The following DACH2 variants were observed in gnomAD, a reference collection of about 807,000 sequenced individuals.
DACH2 encodes dachshund homolog 2.
In DACH2, 17 loss-of-function variants were observed where a neutral mutation model predicts 35.8. The ratio of observed to expected loss-of-function variants is 0.48; its 90% confidence interval spans 0.33 to 0.71. The LOEUF is 0.71. Among genes scored for constraint, DACH2 ranks in the 30% least tolerant of loss-of-function variants. The pLI is 0.02. For missense variants in DACH2, 469 were observed against 472.7 expected, an observed-to-expected ratio of 0.99 and a Z score of 0.07; for synonymous variants, 195 against 177.3, an observed-to-expected ratio of 1.10 and a Z score of -0.79.
intron 5 of DACH2, among the ~76,000 whole-genome samples, chrX:86,699,625 C>T (rs5923602): frequency 0.24 from 26,145 of 110,618 alleles, 3,053 homozygotes; most frequent in Middle Eastern, 0.41. Flanking sequence ...ATTCAATATG[C>T]GATTTGGATG....
intron 6 of DACH2, among the ~76,000 whole-genome samples, chrX:86,718,693 T>C (rs1456282198): frequency 8.9e-6 from 1 of 112,022 alleles, no homozygotes; most frequent in Non-Finnish European, 1.9e-5. Context: ...TTCTTCTGTG[T>C]ATGGCAATCA....
chrX:86,487,556 CA>C (rs1311310901), intron 2 of DACH2, among the ~76,000 whole-genome samples: 2 of 111,251 alleles, frequency 1.8e-5, no homozygotes, highest in Non-Finnish European at 3.8e-5. Flanking sequence ...CTTTGCAGTG[CA>C]TGTTAACATG....
Position 86,546,400 on chromosome X carries a change from T to TC in DACH2, c.640+32010dup, listed in dbSNP as rs1491408631. Among the ~76,000 whole-genome samples, 48 of 68,757 alleles carry TC rather than the reference T, an allele frequency of 7.0e-4. 1 individual carries two copies. The highest frequency in any genetic ancestry group is 2.9e-3 in the African/African-American group (43 of 14,807). 59.7% of individuals were successfully genotyped at this position (68,757 alleles called of 115,157 possible). ...TTCTTCTTCTTCTTCTTCTTCTTCT[T>TC]CTTCCTTCTTCTTCTTCTTTCTTCT... On this transcript the variant is annotated intron_variant, in intron 3 of 11. Coordinates refer to ENST00000373125, the MANE Select transcript of DACH2 (RefSeq NM_053281.3).
At chrX:86,441,286 C>T (rs1025126298) in intron 2 of DACH2, among the ~76,000 whole-genome samples, 8 of 111,087 alleles carry the variant, frequency 7.2e-5, no homozygotes, top group Non-Finnish European at 9.4e-5. Flanking sequence ...CCCTTCCCAG[C>T]TTCTGGTAAC....
chrX:86,530,622 C>T (rs753583060), intron 3 of DACH2, among the ~76,000 whole-genome samples: 2 of 112,020 alleles, frequency 1.8e-5, no homozygotes, highest in Admixed American at 1.9e-4. Context: ...AACCTCTTTT[C>T]TTTATAAATT....
intron 3 of DACH2, among the ~76,000 whole-genome samples, chrX:86,544,822 G>T (rs775176905): frequency 3.6e-5 from 4 of 112,160 alleles, no homozygotes; most frequent in African/African-American, 1.3e-4. Flanking sequence ...TAGGCTAAAT[G>T]CCCCAACTCA....
chrX:86,308,643 G>T (rs191669242), intron 1 of DACH2, among the ~76,000 whole-genome samples: 1 of 111,725 alleles, frequency 9.0e-6, no homozygotes, highest in African/African-American at 3.3e-5. Context: ...CTTGAGGAAG[G>T]ACCACACTAC....
At chrX:86,442,277 T>A (rs931282199) in intron 2 of DACH2, among the ~76,000 whole-genome samples, 2 of 101,385 alleles carry the variant, frequency 2.0e-5, no homozygotes, top group Non-Finnish European at 4.0e-5. Context: ...CATTTTTTTT[T>A]ACCTGCCTGT....
intron 2 of DACH2, among the ~76,000 whole-genome samples, chrX:86,411,036 A>ATATATATATATATATG (rs768655432): frequency 1.0e-4 from 8 of 79,948 alleles, no homozygotes; most frequent in African/African-American, 1.7e-4. Flanking sequence ...ATATATATAT[A>ATATATATATATATATG]TATGTATATA....
intron 1 of DACH2, among the ~76,000 whole-genome samples, chrX:86,372,794 T>C (rs771943699): frequency 4.5e-5 from 5 of 111,087 alleles, no homozygotes; most frequent in African/African-American, 9.8e-5. Flanking sequence ...TAGTACCTAA[T>C]AGGGAATTTT....
intron 1 of DACH2, among the ~76,000 whole-genome samples, chrX:86,314,759 T>C (rs943905585): frequency 5.4e-5 from 6 of 111,780 alleles, no homozygotes; most frequent in Admixed American, 9.5e-5. Context: ...GCCACAACAT[T>C]CCCTTAAGCC....
At chrX:86,747,978 A>G (rs2041731255) in intron 7 of DACH2, among the ~76,000 whole-genome samples, 1 of 112,308 alleles carries the variant, frequency 8.9e-6, no homozygotes, top group Non-Finnish European at 1.9e-5. Flanking sequence ...TGTTCACAAC[A>G]TTTTTATCAG....
intron 3 of DACH2, among the ~76,000 whole-genome samples, chrX:86,633,487 C>A (rs1354430493): frequency 9.0e-6 from 1 of 111,389 alleles, no homozygotes; most frequent in Non-Finnish European, 1.9e-5. Context: ...ACAAAAAAAT[C>A]CTGGGACTAG....
chrX:86,444,532 C>A (rs2148187754), intron 2 of DACH2, among the ~76,000 whole-genome samples: 1 of 111,680 alleles, frequency 9.0e-6, no homozygotes, highest in South Asian at 3.7e-4. Flanking sequence ...TATGATTCAA[C>A]CTTCGTAGGT....
intron 3 of DACH2, among the ~76,000 whole-genome samples, chrX:86,607,100 T>A (rs2039868937): frequency 8.9e-6 from 1 of 111,832 alleles, no homozygotes; most frequent in Admixed American, 9.5e-5. Context: ...GTGTTTCTTG[T>A]AGGCAGCAGA....
intron 3 of DACH2, among the ~76,000 whole-genome samples, chrX:86,633,470 GAC>G (rs1424160753): frequency 9.0e-6 from 1 of 111,178 alleles, no homozygotes; most frequent in Admixed American, 9.6e-5. Flanking sequence ...ACAATCTCGC[GAC>G]ACACACAAAA....
chrX:86,695,285 G>A, intron 5 of DACH2, 106 bp downstream of exon 5: 1 of 676,014 alleles, frequency 1.5e-6, no homozygotes. Flanking sequence ...CTTCAATAAA[G>A]TTTAACAATT....
chrX:86,312,269 C>A (rs1242017064), intron 1 of DACH2, among the ~76,000 whole-genome samples: 1 of 111,886 alleles, frequency 8.9e-6, no homozygotes, highest in African/African-American at 3.3e-5. Context: ...TTTATTGACT[C>A]CATATCAGCA....
At chrX:86,577,479 G>C (rs2039449587) in intron 3 of DACH2, among the ~76,000 whole-genome samples, 1 of 111,296 alleles carries the variant, frequency 9.0e-6, no homozygotes, top group Non-Finnish European at 1.9e-5. Context: ...TTAAATAAAA[G>C]ATATAAAAAT....
Sources: allele counts gnomAD v4.1 joint callset (sites outside exome capture counted in the v4.1 genomes callset), GRCh38; gene constraint gnomAD v4.1.1; transcripts MANE v1.5; gene names NCBI Gene and HGNC (gene_info 2026-07-23, HGNC 2026-07-21).